The following DNAJB6 variants were observed in gnomAD, a reference collection of about 807,000 sequenced individuals.
DNAJB6 encodes dnaJ homolog subfamily B member 6.
DNAJB6 carries 16 observed loss-of-function variants against 42.7 expected under a neutral mutation model. The observed-to-expected ratio is 0.37, with a 90% CI of 0.25 to 0.57. The LOEUF is 0.57. Ranked by LOEUF, DNAJB6 falls within the 20% of genes least tolerant of loss-of-function variation. The pLI is 0.74. For synonymous variants in DNAJB6, 170 were observed against 163.5 expected, an observed-to-expected ratio of 1.04 and a Z score of -0.30; for missense variants, 347 against 416.8, an observed-to-expected ratio of 0.83 and a Z score of 1.46.
chr7:157,344,337 G>C (rs1189489671), intron 1 of DNAJB6, among the ~76,000 whole-genome samples: 2 of 150,920 alleles, frequency 1.3e-5, no homozygotes, highest in African/African-American at 4.9e-5. Context: ...GTGACAGAGT[G>C]AGACTCCGTC....
In DNAJB6 at chr7:157,387,832, TTTTGTTTG is replaced by T. The variant is rs372553414; in HGVS notation, c.691+2241_691+2248del. Among the ~76,000 whole-genome samples the T allele has an allele frequency of 2.6e-3, 402 of 151,944 alleles. 4 individuals are homozygous for T. Among genetic ancestry groups the T allele is most frequent in the African/African-American group, 4.5e-3 (187 of 41,396 alleles). On this transcript the variant is annotated intron_variant, in intron 8 of 9. Coordinates refer to ENST00000262177, the MANE Select transcript of DNAJB6 (RefSeq NM_058246.4). The stretch of plus-strand genomic sequence containing the variant: ...TCATTTGTACTTGGGAAAACTACTG[TTTTGTTTG>T]TTTGTTTGTTTGTTTGTTTTTTTGA...
chr7:157,395,689 T>C (rs866512663), intron 8 of DNAJB6, among the ~76,000 whole-genome samples: 109 of 145,704 alleles, frequency 7.5e-4, no homozygotes, highest in South Asian at 2.7e-3. Context: ...CTTTTCTTTT[T>C]TTTTTTTTTT....
intron 1 of DNAJB6, among the ~76,000 whole-genome samples, chr7:157,349,521 C>A (rs938565486): frequency 6.6e-6 from 1 of 151,866 alleles, no homozygotes; most frequent in African/African-American, 2.4e-5. Context: ...CTTGCTCGGT[C>A]ACCCAGGTTG....
intron 8 of DNAJB6, among the ~76,000 whole-genome samples, chr7:157,406,255 G>A (rs990223251): frequency 8.5e-5 from 13 of 152,362 alleles, no homozygotes; most frequent in East Asian, 7.7e-4. Flanking sequence ...AGCACGCTGC[G>A]TGACTCCCCA....
At chr7:157,340,994 G>GCACGCGCGC in intron 1 of DNAJB6, among the ~76,000 whole-genome samples, 1 of 123,226 alleles carries the variant, frequency 8.1e-6, no homozygotes, top group Non-Finnish European at 1.6e-5. Flanking sequence ...GTGTGTGTGT[G>GCACGCGCGC]TGTGCGCGCG....
chr7:157,372,485 A>G (rs1213276707), intron 5 of DNAJB6, among the ~76,000 whole-genome samples: 1 of 152,208 alleles, frequency 6.6e-6, no homozygotes, highest in Non-Finnish European at 1.5e-5. Context: ...GCACCACCAT[A>G]AAGTGTCAAG....
intron 1 of DNAJB6, among the ~76,000 whole-genome samples, chr7:157,356,183 A>G (rs1301317294): frequency 2.0e-5 from 3 of 152,230 alleles, no homozygotes; most frequent in Non-Finnish European, 2.9e-5. Flanking sequence ...GTGAGAGTGG[A>G]TTAGCAGCTT....
intron 1 of DNAJB6, among the ~76,000 whole-genome samples, chr7:157,352,142 C>T (rs1408458872): frequency 6.6e-6 from 1 of 151,928 alleles, no homozygotes; most frequent in African/African-American, 2.4e-5. Context: ...CCATCCTGGC[C>T]AACATGGTGA....
At chr7:157,403,088 G>A (rs540533011) in intron 8 of DNAJB6, among the ~76,000 whole-genome samples, 6 of 152,314 alleles carry the variant, frequency 3.9e-5, no homozygotes, top group South Asian at 4.1e-4. Flanking sequence ...CAAGATGTAC[G>A]TTCCGGAAAG....
chr7:157,351,626 C>G (rs562752918), intron 1 of DNAJB6, among the ~76,000 whole-genome samples: 1 of 145,706 alleles, frequency 6.9e-6, no homozygotes, highest in African/African-American at 2.6e-5. Context: ...TAGTGAGACT[C>G]TGTCTCAAAA....
intron 9 of DNAJB6, chr7:157,414,574 A>G (rs536715578): frequency 1.3e-5 from 2 of 151,534 alleles, no homozygotes; most frequent in Non-Finnish European, 2.9e-5. Context: ...TTTCCTAAAT[A>G]TGCAGCATGG....
intron 2 of DNAJB6, 33 bp downstream of exon 2, chr7:157,358,670 TCA>T (rs759434962): frequency 6.6e-7 from 1 of 1,525,844 alleles, no homozygotes; most frequent in Non-Finnish European, 9.1e-7. Context: ...TAATGCATTT[TCA>T]CAGTGGTACA....
In DNAJB6 at chr7:157,357,220, T is replaced by G. The variant is rs1166837829; in HGVS notation, c.-26-1327T>G. 2.1e-3 allele frequency among the ~76,000 whole-genome samples: 88 copies of G among 42,888 alleles called. 7 individuals carry two copies. Among genetic ancestry groups the G allele is most frequent in the South Asian group, 0.015 (19 of 1,264 alleles). The allele number at this position is 42,888 out of a possible 152,430, so 28.1% of individuals were successfully genotyped here. A position where few individuals can be genotyped will look rare whatever the true frequency, so the allele number is the denominator to read the frequency against. ...GGCTTTGTGATACTGTTGTCCTTCC[T>G]TCCTTCCTTCCTTCCTTCCTTCCTT... is the stretch of plus-strand genomic sequence containing the variant. On this transcript the variant is annotated intron_variant, in intron 1 of 9. Transcript: ENST00000262177.
rs902019051 is a variant in DNAJB6 at position 157,340,997 on chromosome 7, T to TGTGCGC, written c.-27+3854_-27+3855insTGCGCG. On this transcript the variant is annotated intron_variant, in intron 1 of 9. Coordinates refer to ENST00000262177, the MANE Select transcript of DNAJB6 (RefSeq NM_058246.4). ...GTGTGTGTGTGTGTGTGTGTGTGTG[T>TGTGCGC]GCGCGCGCGCAGGTGGAATCACCCT... 7.5e-3 allele frequency among the ~76,000 whole-genome samples: 883 copies of TGTGCGC among 118,344 alleles called. 6 individuals are homozygous for TGTGCGC. The highest frequency in any genetic ancestry group is 0.022 in the African/African-American group (766 of 35,226). The allele number at this position is 118,344 out of a possible 152,430, so 77.6% of individuals were successfully genotyped here.
rs182834537 is a variant in DNAJB6, at chr7:157,359,637, A to G, written c.65+1000A>G. Among the ~76,000 whole-genome samples the G allele has an allele frequency of 4.7e-3, 713 of 152,282 alleles. 5 individuals are homozygous for G. Among genetic ancestry groups the G allele is most frequent in the African/African-American group, 0.017 (689 of 41,558 alleles). ...CCAGGGGTTTGAGACCAGCCTGGGC[A>G]ACAAAATGAGATACTGTCTTGACCA... On this transcript the variant is annotated intron_variant, in intron 2 of 9. Coordinates refer to ENST00000262177, the MANE Select transcript of DNAJB6 (RefSeq NM_058246.4).
intron 1 of DNAJB6, among the ~76,000 whole-genome samples, chr7:157,343,430 C>T (rs1009723455): frequency 2.0e-5 from 3 of 151,734 alleles, no homozygotes; most frequent in Admixed American, 2.0e-4. Flanking sequence ...GCTGGGATTA[C>T]AGGCGTGAGC....
At chr7:157,349,021 CTG>C (rs368717833) in intron 1 of DNAJB6, among the ~76,000 whole-genome samples, 1 of 152,180 alleles carries the variant, frequency 6.6e-6, no homozygotes, top group African/African-American at 2.4e-5. Flanking sequence ...CCCCAGCACT[CTG>C]TGCATATTTG....
At chr7:157,340,358 T>A (rs959501185) in intron 1 of DNAJB6, among the ~76,000 whole-genome samples, 1 of 152,066 alleles carries the variant, frequency 6.6e-6, no homozygotes, top group Non-Finnish European at 1.5e-5. Context: ...AGTGGCAGGA[T>A]TTAGCAAATG....
intron 8 of DNAJB6, among the ~76,000 whole-genome samples, chr7:157,407,970 G>C (rs58669683): frequency 7.1e-4 from 108 of 152,230 alleles, no homozygotes; most frequent in African/African-American, 2.3e-3. Flanking sequence ...TGTGCATGGC[G>C]CCCGCGGGCA....
Sources: gnomAD v4.1 joint callset for allele counts (sites outside exome capture counted in the v4.1 genomes callset) on GRCh38, gnomAD v4.1.1 for gene constraint, MANE v1.5 for transcripts, NCBI Gene and HGNC (gene_info 2026-07-23, HGNC 2026-07-21) for gene names.